The following IQCM variants were observed in gnomAD, a reference collection of about 807,000 sequenced individuals.
The protein encoded by IQCM is IQ domain-containing protein M.
In IQCM, 45 loss-of-function variants were observed where a neutral mutation model predicts 57.6. The ratio of observed to expected loss-of-function variants is 0.78; its 90% confidence interval spans 0.62 to 1.00. The LOEUF (loss-of-function observed/expected upper bound fraction) is 1.00. Ranked by LOEUF, IQCM falls within the 50% of genes least tolerant of loss-of-function variation. The pLI is 0.00. For missense variants in IQCM, 468 were observed against 511.6 expected (o/e 0.91, Z 0.82); for synonymous variants, 148 against 158.9 (o/e 0.93, Z 0.51).
At chr4:149,630,974 A>G (rs1757215285) in intron 7 of IQCM, among the ~76,000 whole-genome samples, 1 of 152,154 alleles carries the variant, frequency 6.6e-6, no homozygotes, top group Non-Finnish European at 1.5e-5. Context: ...CTTTCCCTAA[A>G]TGATAAGGGT....
At chr4:149,621,849 T>C (rs1463638386) in intron 7 of IQCM, among the ~76,000 whole-genome samples, 1 of 152,092 alleles carries the variant, frequency 6.6e-6, no homozygotes, top group African/African-American at 2.4e-5. Context: ...TATTTGTCCA[T>C]TTTTTTCCTC....
intron 13 of IQCM, among the ~76,000 whole-genome samples, chr4:149,376,753 T>G (rs1730726552): frequency 6.6e-6 from 1 of 152,222 alleles, no homozygotes; most frequent in African/African-American, 2.4e-5. Context: ...ACATATTTTT[T>G]GGGTCCATTT....
intron 13 of IQCM, among the ~76,000 whole-genome samples, chr4:149,353,852 A>T (rs1728739026): frequency 6.6e-6 from 1 of 152,120 alleles, no homozygotes; most frequent in Non-Finnish European, 1.5e-5. Flanking sequence ...AGGTCTAGAG[A>T]CCTAATGCTC....
intron 13 of IQCM, among the ~76,000 whole-genome samples, chr4:149,381,868 G>A (rs1250218671): frequency 6.6e-6 from 1 of 151,980 alleles, no homozygotes; most frequent in South Asian, 2.1e-4. Flanking sequence ...TCCACATCCC[G>A]GGTTTGAGTG....
chr4:149,514,651 A>T (rs1425442051), intron 12 of IQCM: 1 of 152,236 alleles, frequency 6.6e-6, no homozygotes, highest in African/African-American at 2.4e-5. Flanking sequence ...CAGTCTGTTA[A>T]TGTCTCTTAA....
chr4:149,683,694 T>C (rs1294263808), intron 6 of IQCM, among the ~76,000 whole-genome samples: 1 of 151,346 alleles, frequency 6.6e-6, no homozygotes, highest in Non-Finnish European at 1.5e-5. Context: ...ATCTAGTCAA[T>C]GGATAAGTGT....
intron 5 of IQCM, among the ~76,000 whole-genome samples, chr4:149,720,736 A>C (rs549631286): frequency 6.6e-6 from 1 of 152,364 alleles, no homozygotes; most frequent in South Asian, 2.1e-4. Context: ...GAAATGAAGA[A>C]AAGTAGAAGC....
chr4:149,728,353 T>C (rs958695293), intron 5 of IQCM, among the ~76,000 whole-genome samples: 5 of 152,212 alleles, frequency 3.3e-5, no homozygotes, highest in African/African-American at 7.2e-5. Flanking sequence ...TCTCAATCTG[T>C]ATATATGTGA....
intron 2 of IQCM, among the ~76,000 whole-genome samples, chr4:149,747,542 A>G (rs1361701340): frequency 6.6e-6 from 1 of 152,238 alleles, no homozygotes; most frequent in Non-Finnish European, 1.5e-5. Context: ...CCATTTTTAA[A>G]AAATATTTTC....
intron 5 of IQCM, among the ~76,000 whole-genome samples, chr4:149,702,839 A>G (rs1248182779): frequency 6.6e-6 from 1 of 151,988 alleles, no homozygotes; most frequent in Non-Finnish European, 1.5e-5. Context: ...TAAGAGAGTA[A>G]CTTTTTTATC....
At chr4:149,457,921 A>G (rs1737869547) in intron 12 of IQCM, among the ~76,000 whole-genome samples, 1 of 152,024 alleles carries the variant, frequency 6.6e-6, no homozygotes, top group Non-Finnish European at 1.5e-5. Context: ...ATAATTGTTT[A>G]GGAGACATAA....
chr4:149,464,492 C>T (rs563223393), intron 12 of IQCM, among the ~76,000 whole-genome samples: 8 of 152,288 alleles, frequency 5.3e-5, no homozygotes, highest in African/African-American at 1.9e-4. Context: ...TTCTTTCTTG[C>T]CAGGTTTGTC....
At chr4:149,447,554 A>G (rs984193152) in intron 12 of IQCM, among the ~76,000 whole-genome samples, 2 of 151,582 alleles carry the variant, frequency 1.3e-5, no homozygotes, top group African/African-American at 4.8e-5. Flanking sequence ...CATAAGAAAG[A>G]TAAGTGAAAT....
intron 2 of IQCM, among the ~76,000 whole-genome samples, chr4:149,765,716 A>C (rs560117549): frequency 6.6e-6 from 1 of 152,204 alleles, no homozygotes; most frequent in East Asian, 1.9e-4. Context: ...CTTACTTCTC[A>C]GGAGTCATGT....
At chr4:149,542,073 C>G (rs1747902910) in intron 12 of IQCM, among the ~76,000 whole-genome samples, 3 of 152,044 alleles carry the variant, frequency 2.0e-5, no homozygotes, top group Admixed American at 1.3e-4. Context: ...TTTCTGTTGT[C>G]TTTTCATTAT....
At chr4:149,649,418 G>A (rs1219161252) in intron 7 of IQCM, among the ~76,000 whole-genome samples, 1 of 152,060 alleles carries the variant, frequency 6.6e-6, no homozygotes, top group Non-Finnish European at 1.5e-5. Context: ...GGCATAAACA[G>A]GTGTGGCACT....
chr4:149,478,153 GA>G (rs1159194842), intron 12 of IQCM, among the ~76,000 whole-genome samples: 4 of 152,122 alleles, frequency 2.6e-5, no homozygotes, highest in Non-Finnish European at 5.9e-5. Context: ...AAGATAGAGT[GA>G]AAAGCACATG....
At position 149,515,677 on chromosome 4, in the gene IQCM, C is replaced by T. The variant is rs558515326; in HGVS notation, c.1228+32778G>A. Among the ~76,000 whole-genome samples, 9 of 152,314 alleles carry T rather than the reference C, an allele frequency of 5.9e-5. No homozygotes were observed. In the South Asian group the frequency reaches 1.9e-3, roughly 32 times the overall value. On this transcript the variant is annotated intron_variant, in intron 12 of 13. Transcript: ENST00000636793. The stretch of plus-strand genomic sequence containing the variant: ...AGGGAAATCTTCCGATTGGAGAGAA[C>T]TCTGAGCAGTACACTTGGTTGTGCA...
intron 12 of IQCM, among the ~76,000 whole-genome samples, chr4:149,485,334 A>G (rs1241110748): frequency 6.6e-6 from 1 of 151,924 alleles, no homozygotes; most frequent in African/African-American, 2.4e-5. Context: ...TTTAAAGCCA[A>G]TAATTCTTAT....
Sources: gnomAD v4.1 joint callset for allele counts (sites outside exome capture counted in the v4.1 genomes callset) on GRCh38, gnomAD v4.1.1 for gene constraint, MANE v1.5 for transcripts, NCBI Gene and HGNC (gene_info 2026-07-23, HGNC 2026-07-21) for gene names.